The following UNC5D variants were observed in gnomAD, a reference collection of about 807,000 sequenced individuals.
UNC5D encodes unc-5 netrin receptor D.
In UNC5D, 39 loss-of-function variants were observed where a neutral mutation model predicts 105.4. The ratio of observed to expected loss-of-function variants is 0.37; its 90% CI spans 0.29 to 0.48. The LOEUF (loss-of-function observed/expected upper bound fraction) is 0.48, where lower values mean the gene tolerates loss of function less well. UNC5D is among the 20% of genes least tolerant of loss of function. The pLI, the probability that UNC5D is intolerant of heterozygous loss-of-function variation, is 0.98. For missense variants in UNC5D, 991 were observed against 1,202.4 expected (o/e 0.82, Z 2.60); for synonymous variants, 452 against 450.4 (o/e 1.00, Z -0.04).
At chr8:35,350,916 T>C (rs1340330610) in intron 1 of UNC5D, among the ~76,000 whole-genome samples, 1 of 152,068 alleles carries the variant, frequency 6.6e-6, no homozygotes, top group Non-Finnish European at 1.5e-5. Flanking sequence ...ATTCATTAAG[T>C]AGATAATGTT....
At chr8:35,568,365 C>T (rs1817499018) in intron 3 of UNC5D, 124 bp downstream of exon 3, 1 of 1,302,754 alleles carries the variant, frequency 7.7e-7, no homozygotes, top group Middle Eastern at 2.0e-4. Context: ...TAAATTTACT[C>T]TTCTAAAATG....
At chr8:35,660,034 T>C (rs567153339) in intron 4 of UNC5D, among the ~76,000 whole-genome samples, 2 of 152,312 alleles carry the variant, frequency 1.3e-5, no homozygotes, top group African/African-American at 2.4e-5. Context: ...CTAGCCTTCA[T>C]TTTCCCATTT....
At position 35,750,709 on chromosome 8, in the gene UNC5D, T is replaced by C. The variant is rs1393657528; in HGVS notation, c.2063T>C (p.Val688Ala). The C allele has an allele frequency of 1.2e-6, 2 of 1,614,018 alleles. No homozygotes were observed. The highest frequency in any genetic ancestry group is 2.7e-5 in the African/African-American group (2 of 74,928). The change falls in exon 13 of 17, where the codon GTG (valine) becomes GCG (alanine). Residue 688 changes from valine (V) to alanine (A), a missense_variant. Val to Ala is a moderately conservative substitution (Grantham distance 64). Coordinates refer to ENST00000404895, the MANE Select transcript of UNC5D (RefSeq NM_080872.4). ...LTGEPITDCAVKQLKVAVFGC... is the reference protein window; with the variant it reads ...LTGEPITDCAAKQLKVAVFGC... The stretch of plus-strand genomic sequence containing the variant: ...GGAGAGCCAATCACAGACTGTGCCG[T>C]GAAGCAACTGAAGGTGGCGGTTTTT...
chr8:35,330,504 G>A (rs1048681229), intron 1 of UNC5D, among the ~76,000 whole-genome samples: 4 of 152,228 alleles, frequency 2.6e-5, no homozygotes, highest in Admixed American at 6.5e-5. Context: ...ATGCGCTACA[G>A]TTATGGGGCA....
intron 1 of UNC5D, among the ~76,000 whole-genome samples, chr8:35,334,725 G>A: frequency 6.6e-6 from 1 of 152,048 alleles, no homozygotes; most frequent in Non-Finnish European, 1.5e-5. Flanking sequence ...TGTTGGCAAG[G>A]ATGGTCTCGA....
At position 35,795,241 on chromosome 8, in the gene UNC5D, G is replaced by T. The variant is rs1392273385; in HGVS notation, c.*4678G>T. 1 of 151,994 alleles carries T rather than the reference G, an allele frequency of 6.6e-6. No homozygotes were observed. The highest frequency in any genetic ancestry group is 1.5e-5 in the Non-Finnish European group (1 of 67,992). The allele number at this position is 151,994 out of a possible 1,614,324, so 9.4% of individuals were successfully genotyped here. Reference sequence around the variant, plus strand: ...AATTATAGACTATATTACTAAATTTGGTAAGGTAGTTCTTTGCATGAATGG... The same window carrying T: ...AATTATAGACTATATTACTAAATTTTGTAAGGTAGTTCTTTGCATGAATGG... On this transcript the variant is annotated 3_prime_UTR_variant, in exon 17 of 17. Coordinates refer to ENST00000404895, the MANE Select transcript of UNC5D (RefSeq NM_080872.4).
intron 1 of UNC5D, among the ~76,000 whole-genome samples, chr8:35,370,572 T>C (rs569470574): frequency 8.9e-4 from 135 of 152,340 alleles, no homozygotes; most frequent in Non-Finnish European, 1.5e-3. Flanking sequence ...TTGAATGTTG[T>C]ATATATTTCT....
intron 1 of UNC5D, among the ~76,000 whole-genome samples, chr8:35,348,361 G>C (rs1473170532): frequency 6.6e-6 from 1 of 151,904 alleles, no homozygotes; most frequent in Non-Finnish European, 1.5e-5. Flanking sequence ...ATGTTCTTAG[G>C]CACAGTTGGG....
intron 16 of UNC5D, among the ~76,000 whole-genome samples, chr8:35,777,806 A>C (rs72637522): frequency 1.3e-5 from 2 of 152,306 alleles, no homozygotes; most frequent in Non-Finnish European, 2.9e-5. Flanking sequence ...GATTTAGTAA[A>C]ACTTCCATAG....
Position 35,795,758 on chromosome 8 carries a change from A to C in UNC5D, c.*5195A>C, listed in dbSNP as rs1320599150. On this transcript the variant is annotated 3_prime_UTR_variant, in exon 17 of 17. Transcript: ENST00000404895. The stretch of plus-strand genomic sequence containing the variant: ...CTTTTCTATACAAAGGTGGAAAAGC[A>C]CTCAGAATCTGGGAATTTTCTGGTT... 6.6e-6 allele frequency: 1 copy of C among 152,184 alleles called. No homozygotes were observed. The highest frequency in any genetic ancestry group is 1.5e-5 in the Non-Finnish European group (1 of 68,040). 9.4% of individuals were successfully genotyped at this position (152,184 alleles called of 1,614,324 possible).
chr8:35,353,059 A>T (rs1222560028), intron 1 of UNC5D, among the ~76,000 whole-genome samples: 1 of 152,180 alleles, frequency 6.6e-6, no homozygotes, highest in Non-Finnish European at 1.5e-5. Context: ...GTAAAGTTTG[A>T]CAAATTCAAC....
chr8:35,743,957 C>T (rs957748398), intron 11 of UNC5D, among the ~76,000 whole-genome samples: 1 of 152,190 alleles, frequency 6.6e-6, no homozygotes, highest in Non-Finnish European at 1.5e-5. Flanking sequence ...ATTTATATTT[C>T]ACTTGTTATC....
intron 1 of UNC5D, among the ~76,000 whole-genome samples, chr8:35,453,076 A>C (rs761987892): frequency 2.0e-5 from 3 of 152,150 alleles, no homozygotes; most frequent in Non-Finnish European, 4.4e-5. Context: ...TCAGTAGAAT[A>C]CCCACAGCCT....
chr8:35,300,650 G>A (rs562211908), intron 1 of UNC5D, among the ~76,000 whole-genome samples: 5 of 152,092 alleles, frequency 3.3e-5, no homozygotes, highest in East Asian at 3.9e-4. Flanking sequence ...ACAATATTCT[G>A]ACTAGATATT....
intron 1 of UNC5D, among the ~76,000 whole-genome samples, chr8:35,499,060 A>C (rs1278050456): frequency 6.6e-6 from 1 of 152,174 alleles, no homozygotes; most frequent in Non-Finnish European, 1.5e-5. Context: ...CTTAACTTTA[A>C]TCATGACAAT....
chr8:35,287,811 A>T (rs1806719965), intron 1 of UNC5D, among the ~76,000 whole-genome samples: 1 of 152,086 alleles, frequency 6.6e-6, no homozygotes, highest in Non-Finnish European at 1.5e-5. Context: ...CTCAAAAAAA[A>T]TGACTAAATA....
intron 1 of UNC5D, among the ~76,000 whole-genome samples, chr8:35,382,276 T>C (rs1012042953): frequency 6.6e-6 from 1 of 152,190 alleles, no homozygotes; most frequent in African/African-American, 2.4e-5. Context: ...CAGCGGTTGA[T>C]GACATTTTTT....
At chr8:35,642,777 G>C (rs766170429) in intron 4 of UNC5D, among the ~76,000 whole-genome samples, 3 of 152,120 alleles carry the variant, frequency 2.0e-5, no homozygotes, top group Non-Finnish European at 2.9e-5. Flanking sequence ...ATTTAATTTT[G>C]ATGAGACTTT....
intron 3 of UNC5D, among the ~76,000 whole-genome samples, chr8:35,573,577 T>A (rs151068142): frequency 3.1e-4 from 47 of 152,330 alleles, no homozygotes; most frequent in Non-Finnish European, 5.9e-4. Context: ...CACTAAGGTA[T>A]GTTGATCCTT....
Sources: gnomAD v4.1 joint callset for allele counts (sites outside exome capture counted in the v4.1 genomes callset) on GRCh38, gnomAD v4.1.1 for gene constraint, MANE v1.5 for transcripts, NCBI Gene and HGNC (gene_info 2026-07-23, HGNC 2026-07-21) for gene names.